Variants in CCNL1 observed in about 807,000 individuals in gnomAD.
CCNL1 encodes the protein cyclin-L1.
Under a neutral mutation model 60.6 loss-of-function variants are expected in CCNL1, and 13 were observed. The observed-to-expected ratio is 0.21, with a 90% confidence interval of 0.14 to 0.34. CCNL1 has a LOEUF of 0.34. Ranked by LOEUF, CCNL1 falls within the 10% of genes least tolerant of loss-of-function variation. CCNL1 has a pLI of 1.00. For missense variants in CCNL1, 481 were observed against 664.3 expected (o/e 0.72, Z 3.03); for synonymous variants, 270 against 244.3 (o/e 1.10, Z -0.98).
chr3:157,153,714 A>G (rs1311044439), intron 3 of CCNL1: 1 of 151,366 alleles, frequency 6.6e-6, no homozygotes, highest in Non-Finnish European at 1.5e-5. Flanking sequence ...GATCATACTG[A>G]TTTTTCATGC....
In CCNL1 at chr3:157,151,737, G is replaced by C. The variant is rs951000286; in HGVS notation, c.674+440C>G. On this transcript the variant is annotated intron_variant, in intron 5 of 10. Coordinates refer to ENST00000295926, the MANE Select transcript of CCNL1 (RefSeq NM_020307.4). ...GCATGTCAAATAGTTACTTCTAGAAGCAAATATACAAATCCTTTTGACACC... is the reference window on the plus strand; with the variant it reads ...GCATGTCAAATAGTTACTTCTAGAACCAAATATACAAATCCTTTTGACACC... 8 of 1,009,696 alleles carry C rather than the reference G, an allele frequency of 7.9e-6. No individual in the cohort carries two copies. In the African/African-American group the frequency reaches 1.4e-4, roughly 18 times the overall value. The allele number at this position is 1,009,696 out of a possible 1,614,324, so 62.5% of individuals were successfully genotyped here.
chr3:157,151,385 C>T (rs1410775506), intron 5 of CCNL1: 12 of 985,774 alleles, frequency 1.2e-5, no homozygotes, highest in Non-Finnish European at 1.4e-5. Context: ...CTCCAAATCA[C>T]ACATCTGCAT....
chr3:157,153,762 G>C (rs1260312341), intron 3 of CCNL1: 1 of 152,044 alleles, frequency 6.6e-6, no homozygotes, highest in African/African-American at 2.4e-5. Flanking sequence ...GTTGGGGGGG[G>C]TGGGAACAGT....
chr3:157,149,060 G>C (rs902519367), intron 10 of CCNL1: 6 of 515,546 alleles, frequency 1.2e-5, no homozygotes, highest in Non-Finnish European at 2.0e-5. Flanking sequence ...GCACTTTGTG[G>C]GTAGCTCCTA....
At chr3:157,159,071 T>C (rs753205391) in intron 2 of CCNL1, 96 bp from the exon 3 acceptor site, 8 of 796,314 alleles carry the variant, frequency 1.0e-5, no homozygotes, top group African/African-American at 6.9e-5. Context: ...TTAGTAAAAT[T>C]AGAGAAGACA....
chr3:157,159,785 C>T lies in CCNL1; in HGVS notation c.303+7G>A. 6.5e-7 allele frequency: 1 copy of T among 1,530,004 alleles called. No individual in the cohort carries two copies. Among genetic ancestry groups the T allele is most frequent in the Non-Finnish European group, 8.8e-7 (1 of 1,131,894 alleles). The allele number at this position is 1,530,004 out of a possible 1,614,324, so 94.8% of individuals were successfully genotyped here. Reference sequence around the variant, plus strand: ...GCGCCCGGCCGGCCCGGGGCCGGAGCACTGACCTGCGGCAGCCGGAGGAGA... The same window carrying T: ...GCGCCCGGCCGGCCCGGGGCCGGAGTACTGACCTGCGGCAGCCGGAGGAGA... On this transcript the variant is annotated splice_region_variant and intron_variant, in intron 1 of 10. Transcript: ENST00000295926.
downstream of CCNL1, among the ~76,000 whole-genome samples, chr3:157,145,437 CAAAAAAAAAAAAAA>C (rs56894231): frequency 6.4e-3 from 156 of 24,278 alleles, 4 homozygotes; most frequent in Middle Eastern, 0.16. Flanking sequence ...GACTTCATCT[CAAAAAAAAAAAAAA>C]AAAAAAAAAA....
At chr3:157,160,147 TA>T, upstream of CCNL1, 1 of 1,506,140 alleles carries the variant, frequency 6.6e-7, no homozygotes, top group South Asian at 1.2e-5. Flanking sequence ...GAAACAAGAC[TA>T]ACCAGCGTTC....
At chr3:157,158,783 G>C in intron 3 of CCNL1, 83 bp downstream of exon 3, 2 of 852,050 alleles carry the variant, frequency 2.3e-6, no homozygotes, top group South Asian at 3.2e-5. Context: ...GTATTCACTT[G>C]AAAGGAAAGA....
intron 4 of CCNL1, chr3:157,152,823 T>TA: frequency 7.7e-7 from 1 of 1,300,394 alleles, no homozygotes. Flanking sequence ...AGCACACAAT[T>TA]AAGATTTAAG....
chr3:157,150,645 C>A (rs1738116251), intron 5 of CCNL1: 1 of 1,148,028 alleles, frequency 8.7e-7, no homozygotes, highest in Non-Finnish European at 1.1e-6. Context: ...GAAATTACTC[C>A]TAAAAAGTTA....
downstream of CCNL1, among the ~76,000 whole-genome samples, chr3:157,143,647 AT>A (rs1737705553): frequency 6.6e-6 from 1 of 152,180 alleles, no homozygotes; most frequent in African/African-American, 2.4e-5. Context: ...TTATGAAAAA[AT>A]TAGTGCTGGC....
intron 4 of CCNL1, 196 bp from the exon 5 acceptor site, chr3:157,152,437 A>G (rs1372174216): frequency 3.9e-6 from 5 of 1,269,964 alleles, no homozygotes; most frequent in African/African-American, 1.6e-5. Context: ...GTTTAGAAGC[A>G]TATTTCAAAA....
downstream of CCNL1, among the ~76,000 whole-genome samples, chr3:157,144,760 C>G (rs1284127132): frequency 6.6e-6 from 1 of 152,206 alleles, no homozygotes; most frequent in Admixed American, 6.5e-5. Flanking sequence ...TCAATATGTC[C>G]ATGCTTTTAA....
downstream of CCNL1, among the ~76,000 whole-genome samples, chr3:157,143,539 A>G (rs1737703098): frequency 6.6e-6 from 1 of 152,264 alleles, no homozygotes; most frequent in Non-Finnish European, 1.5e-5. Context: ...AGGGACATAC[A>G]ATAATGAATA....
chr3:157,148,206 A>T lies in CCNL1; in HGVS notation c.*35T>A. ...ATACATCACACTGTAGATAGGCAAAACCAAGAACTGATGCAGGCTCAAAGG... is the reference window on the plus strand; with the variant it reads ...ATACATCACACTGTAGATAGGCAAATCCAAGAACTGATGCAGGCTCAAAGG... On this transcript the variant is annotated 3_prime_UTR_variant, in exon 11 of 11. Transcript: ENST00000295926. The T allele has an allele frequency of 6.3e-7, 1 of 1,592,832 alleles. No individual in the cohort carries two copies. Among genetic ancestry groups the T allele is most frequent in the Non-Finnish European group, 8.5e-7 (1 of 1,169,628 alleles).
chr3:157,148,711 T>C, intron 10 of CCNL1, 122 bp from the exon 11 acceptor site: 1 of 803,072 alleles, frequency 1.2e-6, no homozygotes, highest in Non-Finnish European at 1.9e-6. Flanking sequence ...CCAGAACTTT[T>C]CAAAATCTCC....
chr3:157,152,808 C>T (rs956270815), intron 4 of CCNL1: 110 of 1,268,068 alleles, frequency 8.7e-5, no homozygotes, highest in Non-Finnish European at 1.0e-4. Context: ...AATAACTTCT[C>T]TATGAGCACA....
chr3:157,158,858 A>C lies in CCNL1; in HGVS notation c.488+8T>G. The C allele has an allele frequency of 6.4e-7, 1 of 1,559,356 alleles. No individual in the cohort carries two copies. Among genetic ancestry groups the C allele is most frequent in the Non-Finnish European group, 8.8e-7 (1 of 1,131,358 alleles). Reference sequence around the variant, plus strand: ...AAGAGATACTATGTTCAATAATGCCAATCTTACCTTTTTCCTCTTAACTGG... The same window carrying C: ...AAGAGATACTATGTTCAATAATGCCCATCTTACCTTTTTCCTCTTAACTGG... On this transcript the variant is annotated splice_region_variant and intron_variant, in intron 3 of 10. Transcript: ENST00000295926.
Sources: gnomAD v4.1 joint callset for allele counts (sites outside exome capture counted in the v4.1 genomes callset) on GRCh38, gnomAD v4.1.1 for gene constraint, MANE v1.5 for transcripts, NCBI Gene and HGNC (gene_info 2026-07-23, HGNC 2026-07-21) for gene names.